CLMN: variants seen among roughly 807,000 people sequenced by gnomAD.
CLMN encodes the protein calmin.
Under a neutral mutation model 92.7 loss-of-function variants are expected in CLMN, and 57 were observed. The observed-to-expected ratio is 0.61, with a 90% CI of 0.50 to 0.77. The LOEUF is 0.77. Ranked by LOEUF, CLMN falls within the 30% of genes least tolerant of loss-of-function variation. The pLI is 0.00. For synonymous variants in CLMN, 466 were observed against 470.6 expected (o/e 0.99, Z 0.13); for missense variants, 1,158 against 1,237.5 (o/e 0.94, Z 0.96).
At chr14:95,307,960 G>T (rs1462732735) in intron 1 of CLMN, among the ~76,000 whole-genome samples, 1 of 152,196 alleles carries the variant, frequency 6.6e-6, no homozygotes, top group African/African-American at 2.4e-5. Context: ...TGAAGTAGGG[G>T]CCCCAGAGGT....
At chr14:95,223,676 C>T in intron 3 of CLMN, 84 bp downstream of exon 3, 1 of 1,029,810 alleles carries the variant, frequency 9.7e-7, no homozygotes, top group South Asian at 1.5e-5. Context: ...TAGGATATGT[C>T]CAGGTATTTG....
intron 5 of CLMN, among the ~76,000 whole-genome samples, 170 bp downstream of exon 5, chr14:95,215,471 C>CA (rs1365839143): frequency 6.6e-6 from 1 of 152,208 alleles, no homozygotes; most frequent in African/African-American, 2.4e-5. Context: ...CACAGAGACT[C>CA]AAACACTTTA....
intron 1 of CLMN, among the ~76,000 whole-genome samples, chr14:95,289,573 T>C (rs1900481678): frequency 6.6e-6 from 1 of 152,208 alleles, no homozygotes; most frequent in South Asian, 2.1e-4. Context: ...TACTTCAATT[T>C]TTTTAAATGC....
chr14:95,308,459 A>T (rs1901380690), intron 1 of CLMN, among the ~76,000 whole-genome samples: 1 of 152,148 alleles, frequency 6.6e-6, no homozygotes, highest in South Asian at 2.1e-4. Flanking sequence ...CCAGCCCCTG[A>T]CTGACTTCAT....
chr14:95,196,200 CCACGCCTACCTATGGTT>C (rs1255874105), intron 10 of CLMN, among the ~76,000 whole-genome samples: 6 of 152,140 alleles, frequency 3.9e-5, no homozygotes, highest in Non-Finnish European at 7.4e-5. Flanking sequence ...GCGTTCACCC[CCACGCCTACCTATGGTT>C]CAGCCATCTG....
In CLMN at chr14:95,319,866, G is replaced by T; in HGVS notation, c.-74C>A. The T allele has an allele frequency of 1.2e-6, 1 of 800,808 alleles. No homozygotes were observed. Among genetic ancestry groups the T allele is most frequent in the Non-Finnish European group, 1.5e-6 (1 of 668,758 alleles). 49.6% of individuals were successfully genotyped at this position (800,808 alleles called of 1,614,324 possible). A position where few individuals can be genotyped will look rare whatever the true frequency, so the allele number is the denominator to read the frequency against. ...CGGAGAGCCTGGCTGGCGGGCGCGC[G>T]AGCGGCACGCACCCGGCGAGGGCGC... On this transcript the variant is annotated 5_prime_UTR_variant, in exon 1 of 13. Coordinates refer to ENST00000298912, the MANE Select transcript of CLMN (RefSeq NM_024734.4).
intron 1 of CLMN, among the ~76,000 whole-genome samples, chr14:95,245,256 T>A (rs866013555): frequency 1.6e-4 from 6 of 37,108 alleles, no homozygotes; most frequent in Middle Eastern, 0.013. Context: ...ATATATATAA[T>A]ATATATATAT....
chr14:95,211,398 T>TTTA (rs1457052548), intron 6 of CLMN, among the ~76,000 whole-genome samples: 21 of 152,214 alleles, frequency 1.4e-4, no homozygotes. Context: ...GTCAACCTAA[T>TTTA]ATACAACGTT....
rs1896570683 is a variant in CLMN, at chr14:95,191,838, G to T, written c.2841-106C>A. On this transcript the variant is annotated intron_variant, in intron 12 of 12. Transcript: ENST00000298912. The surrounding 1 kb of genome is among the most constrained non-coding windows in gnomAD (Gnocchi z 5.3). ...CCCCGGCCCCCACTCCCCGCCTGAA[G>T]ACCCGAAGGCTCCCCAGCACCATGT... 4 of 1,103,992 alleles carry T rather than the reference G, an allele frequency of 3.6e-6. No individual in the cohort carries two copies. Among genetic ancestry groups the T allele is most frequent in the Non-Finnish European group, 5.1e-6 (4 of 781,474 alleles). The allele number at this position is 1,103,992 out of a possible 1,614,324, so 68.4% of individuals were successfully genotyped here. A position where few individuals can be genotyped will look rare whatever the true frequency, so the allele number is the denominator to read the frequency against.
intron 1 of CLMN, among the ~76,000 whole-genome samples, chr14:95,236,486 T>C (rs1344903983): frequency 6.6e-6 from 1 of 152,216 alleles, no homozygotes; most frequent in Non-Finnish European, 1.5e-5. Context: ...GGAGATGTTT[T>C]TGATTGCCAC....
chr14:95,216,180 T>C (rs1406569575), intron 4 of CLMN, among the ~76,000 whole-genome samples: 1 of 152,196 alleles, frequency 6.6e-6, no homozygotes, highest in East Asian at 1.9e-4. Flanking sequence ...ACGTCTCACA[T>C]GGCGACAGGC....
chr14:95,289,977 A>G (rs1900500817), intron 1 of CLMN, among the ~76,000 whole-genome samples: 1 of 152,234 alleles, frequency 6.6e-6, no homozygotes, highest in Admixed American at 6.5e-5. Flanking sequence ...ATCAAACACA[A>G]TAGCTGAAGC....
intron 2 of CLMN, among the ~76,000 whole-genome samples, chr14:95,226,256 C>G (rs1158749644): frequency 6.6e-6 from 1 of 152,182 alleles, no homozygotes; most frequent in East Asian, 1.9e-4. Context: ...TTAAAATCAC[C>G]TCTAGATTAC....
At position 95,215,844 on chromosome 14, in the gene CLMN, T is replaced by C. The variant is rs1897327443; in HGVS notation, c.325-111A>G. ...GTGTGTGTGTGTGTGTGTGTGTGTG[T>C]GTGTGTGTGTGTGTGTTTGCATGAG... is the stretch of plus-strand genomic sequence containing the variant. On this transcript the variant is annotated intron_variant, in intron 4 of 12. Transcript: ENST00000298912. 5.5e-6 allele frequency: 4 copies of C among 723,432 alleles called. No individual in the cohort carries two copies. In the Admixed American group the frequency reaches 8.6e-5, roughly 16 times the overall value. The allele number at this position is 723,432 out of a possible 1,614,324, so 44.8% of individuals were successfully genotyped here. A position where few individuals can be genotyped will look rare whatever the true frequency, so the allele number is the denominator to read the frequency against.
chr14:95,237,257 G>C (rs925525806), intron 1 of CLMN, among the ~76,000 whole-genome samples: 28 of 152,238 alleles, frequency 1.8e-4, no homozygotes, highest in African/African-American at 6.5e-4. Flanking sequence ...CCCTGCAGAT[G>C]GGCGGAGTGC....
chr14:95,303,348 G>A (rs1301216371), intron 1 of CLMN, among the ~76,000 whole-genome samples: 2 of 152,250 alleles, frequency 1.3e-5, no homozygotes, highest in African/African-American at 2.4e-5. Flanking sequence ...TAAAACAGCA[G>A]TAATCACAAC....
At chr14:95,211,513 T>C (rs1897196213) in intron 6 of CLMN, among the ~76,000 whole-genome samples, 1 of 152,168 alleles carries the variant, frequency 6.6e-6, no homozygotes, top group Non-Finnish European at 1.5e-5. Context: ...CTCTATTTTG[T>C]AGAATGGAGG....
intron 9 of CLMN, among the ~76,000 whole-genome samples, chr14:95,197,458 T>G (rs1486355081): frequency 1.3e-5 from 2 of 151,726 alleles, no homozygotes; most frequent in Non-Finnish European, 2.9e-5. Context: ...CAGTGAGCAG[T>G]GGTTGAATCC....
chr14:95,287,472 C>T (rs1595097186), intron 1 of CLMN, among the ~76,000 whole-genome samples: 1 of 152,158 alleles, frequency 6.6e-6, no homozygotes, highest in Admixed American at 6.5e-5. Context: ...TTGTCACTTA[C>T]TTGGAGAGGG....
Sources: gnomAD v4.1 joint callset for allele counts (sites outside exome capture counted in the v4.1 genomes callset) on GRCh38, gnomAD v4.1.1 for gene constraint, Gnocchi (gnomAD v3.1) non-coding constraint, MANE v1.5 for transcripts, NCBI Gene and HGNC (gene_info 2026-07-23, HGNC 2026-07-21) for gene names.